Variants in SPRR2G observed in about 807,000 individuals in gnomAD.
SPRR2G encodes the protein small proline-rich protein 2G.
A neutral mutation model predicts 0.7 loss-of-function variants in SPRR2G; 1 was observed. The observed-to-expected ratio is 1.49, with a 90% confidence interval of 0.53 to 7.06. The LOEUF (loss-of-function observed/expected upper bound fraction) is 7.06, where lower values mean the gene tolerates loss of function less well. SPRR2G is among the 30% of genes most tolerant of loss of function. SPRR2G has a pLI of 0.14. For synonymous variants in SPRR2G, 38 were observed against 33.9 expected (o/e 1.12, Z -0.42); for missense variants, 96 against 88.5 (o/e 1.09, Z -0.34).
chr1:153,165,294 A>T, the SPRR2G span, among the ~76,000 whole-genome samples: 1 of 152,200 alleles, frequency 6.6e-6, no homozygotes, highest in Non-Finnish European at 1.5e-5. Flanking sequence ...AGGATATTCT[A>T]AGTTAAAAAA....
At chr1:153,151,191 A>G (rs1201222248), upstream of SPRR2G, among the ~76,000 whole-genome samples, 1 of 152,140 alleles carries the variant, frequency 6.6e-6, no homozygotes, top group East Asian at 1.9e-4. Flanking sequence ...CCAGCTTCCA[A>G]AGTATCCTGT....
chr1:153,155,496 G>A (rs1656564494), upstream of SPRR2G, among the ~76,000 whole-genome samples: 1 of 152,038 alleles, frequency 6.6e-6, no homozygotes, highest in Non-Finnish European at 1.5e-5. Context: ...CTCATCTCTT[G>A]CTCGATTATT....
the SPRR2G span, among the ~76,000 whole-genome samples, chr1:153,168,551 C>T: frequency 6.6e-6 from 1 of 152,004 alleles, no homozygotes; most frequent in Non-Finnish European, 1.5e-5. Context: ...TTATTAAGTG[C>T]TTATTATCTG....
the SPRR2G span, among the ~76,000 whole-genome samples, chr1:153,181,784 A>T: frequency 4.5e-4 from 67 of 150,440 alleles, no homozygotes; most frequent in African/African-American, 1.6e-3. Context: ...GTATTCCATT[A>T]TATATATATA....
the SPRR2G span, among the ~76,000 whole-genome samples, chr1:153,184,172 T>C: frequency 3.3e-5 from 5 of 152,200 alleles, no homozygotes; most frequent in African/African-American, 1.2e-4. Flanking sequence ...AGCTTTATTC[T>C]TTTTGCTTAG....
At chr1:153,153,646 G>A (rs753093100), upstream of SPRR2G, among the ~76,000 whole-genome samples, 2 of 152,082 alleles carry the variant, frequency 1.3e-5, no homozygotes, top group African/African-American at 2.4e-5. Context: ...GAGGGTAGAA[G>A]ACAGGCGAGT....
At chr1:153,159,387 A>G in the SPRR2G span, among the ~76,000 whole-genome samples, 2 of 152,160 alleles carry the variant, frequency 1.3e-5, no homozygotes, top group Non-Finnish European at 2.9e-5. Context: ...TCTGAGAACA[A>G]CTCAGCCTGG....
chr1:153,159,653 A>C, the SPRR2G span, among the ~76,000 whole-genome samples: 1 of 152,230 alleles, frequency 6.6e-6, no homozygotes, highest in Non-Finnish European at 1.5e-5. Flanking sequence ...ACTGGGTAAA[A>C]AGAAAGCAGG....
chr1:153,154,756 T>C (rs1255942404), upstream of SPRR2G, among the ~76,000 whole-genome samples: 1 of 151,768 alleles, frequency 6.6e-6, no homozygotes, highest in Admixed American at 6.5e-5. Context: ...TTTTCTTTAT[T>C]AGTCTAGCTA....
intron 1 of SPRR2G, 92 bp downstream of exon 1, chr1:153,150,760 A>T (rs1656450136): frequency 6.4e-6 from 1 of 155,566 alleles, no homozygotes; most frequent in Admixed American, 6.2e-5. Context: ...ATCCATGAGG[A>T]TAAATTGGTT....
the SPRR2G span, chr1:153,176,789 T>TG: frequency 6.6e-6 from 1 of 152,206 alleles, no homozygotes; most frequent in Non-Finnish European, 1.5e-5. Context: ...CCAGCAATAA[T>TG]GCATTGTCTC....
chr1:153,155,656 C>T (rs1291319570), upstream of SPRR2G, among the ~76,000 whole-genome samples: 2 of 152,182 alleles, frequency 1.3e-5, no homozygotes, highest in Non-Finnish European at 2.9e-5. Context: ...CATTACATAG[C>T]CCTTCCTTCG....
In SPRR2G at chr1:153,149,677, G is replaced by A. The variant is rs115284128; in HGVS notation, c.*212C>T. On this transcript the variant is annotated 3_prime_UTR_variant, in exon 2 of 2. Coordinates refer to ENST00000368748, the MANE Select transcript of SPRR2G (RefSeq NM_001014291.4). Reference sequence around the variant, plus strand: ...GGAACCACCATCTACATCACAGACAGCAAAGCGAGATTAGGCAGTGATCTG... The same window carrying A: ...GGAACCACCATCTACATCACAGACAACAAAGCGAGATTAGGCAGTGATCTG... 3.4e-4 allele frequency: 222 copies of A among 646,962 alleles called. No individual in the cohort carries two copies. Among genetic ancestry groups the A allele is most frequent in the African/African-American group, 2.9e-3 (157 of 55,004 alleles). The allele number at this position is 646,962 out of a possible 1,614,324, so 40.1% of individuals were successfully genotyped here.
chr1:153,189,211 G>T, the SPRR2G span, among the ~76,000 whole-genome samples: 1 of 152,064 alleles, frequency 6.6e-6, no homozygotes, highest in African/African-American at 2.4e-5. Context: ...ACTTCAACTT[G>T]AATTTCCATT....
chr1:153,183,837 GT>G, the SPRR2G span, among the ~76,000 whole-genome samples: 1 of 152,146 alleles, frequency 6.6e-6, no homozygotes, highest in Non-Finnish European at 1.5e-5. Flanking sequence ...TTCTTCTAGG[GT>G]TTTTATGGTT....
the SPRR2G span, among the ~76,000 whole-genome samples, chr1:153,198,361 T>A: frequency 6.6e-6 from 1 of 152,152 alleles, no homozygotes; most frequent in Admixed American, 6.5e-5. Flanking sequence ...TTTTGTTTTA[T>A]AAAATTCACT....
the SPRR2G span, among the ~76,000 whole-genome samples, chr1:153,171,992 C>T: frequency 3.9e-5 from 6 of 152,074 alleles, no homozygotes; most frequent in Non-Finnish European, 7.4e-5. Flanking sequence ...TTGTTCAGAC[C>T]TTCTTCTTTG....
the SPRR2G span, among the ~76,000 whole-genome samples, chr1:153,163,902 T>A: frequency 6.6e-6 from 1 of 152,204 alleles, no homozygotes; most frequent in Non-Finnish European, 1.5e-5. Flanking sequence ...CAAAACTCTA[T>A]ATCAACATCA....
the SPRR2G span, among the ~76,000 whole-genome samples, chr1:153,158,226 C>T: frequency 6.6e-6 from 1 of 152,162 alleles, no homozygotes; most frequent in South Asian, 2.1e-4. Flanking sequence ...AAATTTCTTC[C>T]ACCTATGAGC....
Sources: gnomAD v4.1 joint callset for allele counts (sites outside exome capture counted in the v4.1 genomes callset) on GRCh38, gnomAD v4.1.1 for gene constraint, MANE v1.5 for transcripts, NCBI Gene and HGNC (gene_info 2026-07-23, HGNC 2026-07-21) for gene names.